Variants in NRG1 observed in about 807,000 individuals in gnomAD.
The protein encoded by NRG1 is pro-neuregulin-1, membrane-bound isoform.
Under a neutral mutation model 63.8 loss-of-function variants are expected in NRG1, and 18 were observed. The ratio of observed to expected loss-of-function variants is 0.28; its 90% CI spans 0.19 to 0.42. The LOEUF is 0.42. NRG1 is among the 10% of genes least tolerant of loss of function. NRG1 has a pLI of 1.00. For synonymous variants in NRG1, 302 were observed against 301.3 expected, an observed-to-expected ratio of 1.00 and a Z score of -0.02; for missense variants, 762 against 814.7, an observed-to-expected ratio of 0.94 and a Z score of 0.79.
chr8:32,309,952 G>T (rs1326537336), intron 1 of NRG1, among the ~76,000 whole-genome samples: 1 of 152,248 alleles, frequency 6.6e-6, no homozygotes, highest in Non-Finnish European at 1.5e-5. Flanking sequence ...AGAGAGGCGT[G>T]TTAGATTTCC....
chr8:31,784,463 G>T (rs944447796), intron 1 of NRG1, among the ~76,000 whole-genome samples: 6 of 152,164 alleles, frequency 3.9e-5, no homozygotes, highest in Non-Finnish European at 5.9e-5. Flanking sequence ...TCAACCACTT[G>T]TCCCTAATGC....
chr8:32,479,895 A>G (rs6468110), intron 1 of NRG1, among the ~76,000 whole-genome samples: 96,523 of 151,838 alleles, frequency 0.64, 30,949 homozygotes, highest in East Asian at 0.79. Flanking sequence ...TGATGTACCC[A>G]CCTTGGCCTC....
chr8:32,042,725 C>A (rs574091454), intron 1 of NRG1, among the ~76,000 whole-genome samples: 2 of 151,754 alleles, frequency 1.3e-5, no homozygotes, highest in Admixed American at 1.3e-4. Context: ...TTTATGGTAA[C>A]TTTAGAACTA....
At chr8:31,990,819 C>T (rs1432657123) in intron 1 of NRG1, among the ~76,000 whole-genome samples, 1 of 152,018 alleles carries the variant, frequency 6.6e-6, no homozygotes, top group African/African-American at 2.4e-5. Context: ...TCCCATCTTC[C>T]AGTCCTTGTA....
At chr8:32,520,179 GAGA>G (rs1830201478) in intron 1 of NRG1, among the ~76,000 whole-genome samples, 1 of 152,072 alleles carries the variant, frequency 6.6e-6, no homozygotes, top group Non-Finnish European at 1.5e-5. Flanking sequence ...GTTTGTTTTT[GAGA>G]CAGGGTCTCA....
intron 1 of NRG1, among the ~76,000 whole-genome samples, chr8:32,577,400 T>C (rs1839859893): frequency 6.6e-6 from 1 of 152,218 alleles, no homozygotes; most frequent in African/African-American, 2.4e-5. Context: ...GGGGAAGTTG[T>C]CTGCAACACC....
At chr8:31,652,669 G>A (rs753558742) in intron 1 of NRG1, among the ~76,000 whole-genome samples, 4 of 152,118 alleles carry the variant, frequency 2.6e-5, no homozygotes, top group Non-Finnish European at 5.9e-5. Context: ...TGTCATTTCA[G>A]ATTGACTGTC....
chr8:32,394,553 C>T (rs1199330327), intron 1 of NRG1, among the ~76,000 whole-genome samples: 2 of 152,184 alleles, frequency 1.3e-5, no homozygotes, highest in Non-Finnish European at 2.9e-5. Flanking sequence ...CCTCTTTCAG[C>T]CTTTTCCTTC....
intron 1 of NRG1, among the ~76,000 whole-genome samples, chr8:31,690,103 C>A (rs565972206): frequency 6.6e-6 from 1 of 152,300 alleles, no homozygotes; most frequent in South Asian, 2.1e-4. Context: ...TGATAGTTTT[C>A]TAAGGGGCTT....
At chr8:32,332,562 G>A (rs768364242) in intron 1 of NRG1, among the ~76,000 whole-genome samples, 1 of 151,994 alleles carries the variant, frequency 6.6e-6, no homozygotes, top group Non-Finnish European at 1.5e-5. Context: ...ACCATATGCC[G>A]GGCACTAATC....
At chr8:32,060,130 T>C (rs922699791) in intron 1 of NRG1, among the ~76,000 whole-genome samples, 2 of 151,990 alleles carry the variant, frequency 1.3e-5, no homozygotes, top group African/African-American at 4.8e-5. Flanking sequence ...AGAGTATCTT[T>C]TGTCTTTGTT....
chr8:32,427,074 A>G (rs1462907194), intron 1 of NRG1, among the ~76,000 whole-genome samples: 2 of 151,556 alleles, frequency 1.3e-5, no homozygotes, highest in African/African-American at 4.8e-5. Flanking sequence ...TAGCTGTTCT[A>G]TTTCTCTAAA....
chr8:32,652,129 C>T (rs887688227), intron 5 of NRG1, among the ~76,000 whole-genome samples: 2 of 152,114 alleles, frequency 1.3e-5, no homozygotes, highest in African/African-American at 2.4e-5. Context: ...CTTCTATCAT[C>T]GTATCCTTAC....
intron 1 of NRG1, among the ~76,000 whole-genome samples, chr8:31,916,694 A>T (rs1039996326): frequency 4.8e-4 from 73 of 152,236 alleles, no homozygotes; most frequent in African/African-American, 1.8e-3. Context: ...TAGCAGCATG[A>T]TTTATAATCC....
chr8:32,262,929 C>T (rs150227318), intron 1 of NRG1, among the ~76,000 whole-genome samples: 1 of 152,146 alleles, frequency 6.6e-6, no homozygotes, highest in African/African-American at 2.4e-5. Flanking sequence ...ATCCCTTTAT[C>T]TAACTCTTCC....
intron 1 of NRG1, among the ~76,000 whole-genome samples, chr8:32,048,442 CATACATATAT>C (rs1289907805): frequency 0.027 from 3,633 of 134,712 alleles, 100 homozygotes; most frequent in South Asian, 0.068. Flanking sequence ...CACATATATA[CATACATATAT>C]ATATATATAT....
At chr8:32,216,691 T>A (rs1286956671) in intron 1 of NRG1, among the ~76,000 whole-genome samples, 3 of 150,242 alleles carry the variant, frequency 2.0e-5, no homozygotes, top group African/African-American at 7.3e-5. Flanking sequence ...AAATATAATA[T>A]AAATTATATT....
intron 1 of NRG1, among the ~76,000 whole-genome samples, chr8:31,817,234 G>A (rs1432622430): frequency 2.6e-5 from 4 of 152,204 alleles, no homozygotes; most frequent in Non-Finnish European, 4.4e-5. Context: ...GCTAATTTGA[G>A]CACTTCTCAC....
rs552456842 is a variant in NRG1, at chr8:32,102,075, A to C, written c.37+462644A>C. Among the ~76,000 whole-genome samples, 10 of 152,296 alleles carry C rather than the reference A, an allele frequency of 6.6e-5. No homozygotes were observed. The East Asian group carries it at 1.9e-3, about 29-fold the overall frequency. ...CTAGTTGGAATGTTTTCCTTTCATA[A>C]GAAGAGTTGGAGATAAAGTGATTCT... On this transcript the variant is annotated intron_variant, in intron 1 of 10. Coordinates refer to the NRG1 transcript ENST00000519301.
Sources: gnomAD v4.1 joint callset for allele counts (sites outside exome capture counted in the v4.1 genomes callset) on GRCh38, gnomAD v4.1.1 for gene constraint, MANE v1.5 for transcripts, NCBI Gene and HGNC (gene_info 2026-07-23, HGNC 2026-07-21) for gene names.